CHCHD6: variants seen among roughly 807,000 people sequenced by gnomAD.
The protein encoded by CHCHD6 is coiled-coil-helix-coiled-coil-helix domain containing 6.
A neutral mutation model predicts 32.3 loss-of-function variants in CHCHD6; 28 were observed. The ratio of observed to expected loss-of-function variants is 0.87; its 90% CI spans 0.64 to 1.19. The LOEUF (loss-of-function observed/expected upper bound fraction) is 1.19. Ranked by LOEUF, CHCHD6 falls within the 50% of genes most tolerant of loss-of-function variation. The pLI, the probability that CHCHD6 is intolerant of heterozygous loss-of-function variation, is 0.00. For synonymous variants in CHCHD6, 122 were observed against 117.5 expected (o/e 1.04, Z -0.25); for missense variants, 333 against 307.0 (o/e 1.08, Z -0.63).
chr3:126,943,139 C>A (rs1385676609), intron 6 of CHCHD6, among the ~76,000 whole-genome samples: 1 of 152,190 alleles, frequency 6.6e-6, no homozygotes, highest in African/African-American at 2.4e-5. Context: ...GCTGCCACGT[C>A]CCCTCCTGGA....
chr3:126,712,470 AATGTAAGGTTGTT>A (rs1354206542), intron 1 of CHCHD6, among the ~76,000 whole-genome samples: 1 of 152,190 alleles, frequency 6.6e-6, no homozygotes, highest in Non-Finnish European at 1.5e-5. Context: ...AAATAATATA[AATGTAAGGTTGTT>A]AATTGTAACC....
At chr3:126,940,322 C>T (rs1462613110) in intron 6 of CHCHD6, among the ~76,000 whole-genome samples, 1 of 152,194 alleles carries the variant, frequency 6.6e-6, no homozygotes, top group Non-Finnish European at 1.5e-5. Flanking sequence ...TCAGTGTGTG[C>T]TATTTTCCCT....
intron 6 of CHCHD6, among the ~76,000 whole-genome samples, chr3:126,916,977 C>T (rs73207646): frequency 0.019 from 2,918 of 152,324 alleles, 47 homozygotes; most frequent in Middle Eastern, 0.058. Context: ...CTGTTGGTAA[C>T]CATAATGCCT....
intron 4 of CHCHD6, among the ~76,000 whole-genome samples, chr3:126,829,930 C>T (rs528241251): frequency 6.6e-6 from 1 of 151,918 alleles, no homozygotes; most frequent in Non-Finnish European, 1.5e-5. Context: ...AAACCCTGCC[C>T]CTACCAAAAA....
At chr3:126,947,754 A>G (rs1057146298) in intron 6 of CHCHD6, among the ~76,000 whole-genome samples, 1 of 152,170 alleles carries the variant, frequency 6.6e-6, no homozygotes, top group Non-Finnish European at 1.5e-5. Flanking sequence ...GCTGTTGACC[A>G]TCAGCTCCCC....
intron 4 of CHCHD6, among the ~76,000 whole-genome samples, chr3:126,762,734 A>G (rs1290407466): frequency 8.5e-5 from 13 of 152,120 alleles, no homozygotes; most frequent in Non-Finnish European, 4.4e-5. Context: ...TGCTTCCTAT[A>G]CTTTGGAGCT....
chr3:126,867,475 G>A (rs1263856560), intron 5 of CHCHD6, among the ~76,000 whole-genome samples: 10 of 152,198 alleles, frequency 6.6e-5, no homozygotes, highest in Admixed American at 6.5e-4. Flanking sequence ...TCCATCATGT[G>A]CATGGGTTAC....
chr3:126,893,026 T>C (rs2077787019), intron 5 of CHCHD6, among the ~76,000 whole-genome samples: 1 of 152,126 alleles, frequency 6.6e-6, no homozygotes, highest in Admixed American at 6.5e-5. Context: ...TGGAGTGCAG[T>C]GGCGCAATCT....
chr3:126,723,314 G>A (rs1935394264), intron 1 of CHCHD6, among the ~76,000 whole-genome samples: 1 of 152,090 alleles, frequency 6.6e-6, no homozygotes, highest in East Asian at 1.9e-4. Context: ...TTCCAAAAGT[G>A]AAAATCCTGC....
chr3:126,768,561 T>A (rs1937471600), intron 4 of CHCHD6, among the ~76,000 whole-genome samples: 2 of 152,174 alleles, frequency 1.3e-5, no homozygotes, highest in African/African-American at 4.8e-5. Flanking sequence ...GGCAGAACAA[T>A]TTATATTCCT....
chr3:126,924,604 G>A (rs2078297263), intron 6 of CHCHD6, among the ~76,000 whole-genome samples: 1 of 152,224 alleles, frequency 6.6e-6, no homozygotes, highest in Non-Finnish European at 1.5e-5. Context: ...TTGTGTGAGT[G>A]GGAGAGACTG....
chr3:126,920,798 C>A (rs1048540622), intron 6 of CHCHD6, among the ~76,000 whole-genome samples: 1 of 152,192 alleles, frequency 6.6e-6, no homozygotes, highest in East Asian at 1.9e-4. Flanking sequence ...CTGACATTCA[C>A]CCTGTCTTCC....
chr3:126,831,846 C>A (rs1447423650), intron 4 of CHCHD6, among the ~76,000 whole-genome samples: 1 of 152,144 alleles, frequency 6.6e-6, no homozygotes, highest in South Asian at 2.1e-4. Context: ...ATGAGAAGAT[C>A]GTTGGTCTCA....
At chr3:126,921,575 T>C (rs972142196) in intron 6 of CHCHD6, among the ~76,000 whole-genome samples, 1 of 152,094 alleles carries the variant, frequency 6.6e-6, no homozygotes, top group Admixed American at 6.5e-5. Context: ...ACTTGTACAG[T>C]CCTCCCTGGT....
intron 4 of CHCHD6, among the ~76,000 whole-genome samples, chr3:126,793,832 A>ACTTTT (rs1938666903): frequency 6.6e-6 from 1 of 152,048 alleles, no homozygotes; most frequent in East Asian, 1.9e-4. Flanking sequence ...CTAAGTCTTT[A>ACTTTT]CTTTTCTTTC....
intron 4 of CHCHD6, among the ~76,000 whole-genome samples, chr3:126,759,619 A>T (rs574501794): frequency 6.6e-6 from 1 of 152,160 alleles, no homozygotes; most frequent in East Asian, 1.9e-4. Flanking sequence ...TTTCCTCATG[A>T]TGAGGTTCAG....
intron 4 of CHCHD6, 98 bp downstream of exon 4, chr3:126,733,320 G>T: frequency 8.5e-7 from 1 of 1,182,548 alleles, no homozygotes; most frequent in Non-Finnish European, 1.2e-6. Flanking sequence ...AAGCCCTGCT[G>T]GCTCAGGCTG....
chr3:126,886,501 G>A (rs188983574), intron 5 of CHCHD6, among the ~76,000 whole-genome samples: 240 of 152,236 alleles, frequency 1.6e-3, no homozygotes, highest in African/African-American at 4.8e-3. Context: ...CAGTGCTTAC[G>A]TTCACCTAAC....
intron 5 of CHCHD6, among the ~76,000 whole-genome samples, chr3:126,886,902 C>T (rs1347789243): frequency 2.0e-5 from 3 of 152,182 alleles, no homozygotes; most frequent in Admixed American, 6.5e-5. Flanking sequence ...ATCAGAAGCC[C>T]CAGCTTCCCT....
Sources: gnomAD v4.1 joint callset for allele counts (sites outside exome capture counted in the v4.1 genomes callset) on GRCh38, gnomAD v4.1.1 for gene constraint, MANE v1.5 for transcripts, NCBI Gene and HGNC (gene_info 2026-07-23, HGNC 2026-07-21) for gene names.